Variants in CCDC171 observed in about 807,000 individuals in gnomAD.
CCDC171 encodes coiled-coil domain-containing protein 171.
A neutral mutation model predicts 168.2 loss-of-function variants in CCDC171; 177 were observed. The ratio of observed to expected loss-of-function variants is 1.05; its 90% CI spans 0.93 to 1.19. CCDC171 has a LOEUF of 1.19. CCDC171 is among the 50% of genes most tolerant of loss of function. The pLI is 0.00. For synonymous variants in CCDC171, 687 were observed against 540.8 expected (o/e 1.27, Z -3.75); for missense variants, 1,991 against 1,539.0 (o/e 1.29, Z -4.91).
chr9:16,037,672 C>A (rs1193276619), intron 8 of CCDC171, among the ~76,000 whole-genome samples: 1 of 151,686 alleles, frequency 6.6e-6, no homozygotes, highest in African/African-American at 2.4e-5. Flanking sequence ...TAAAAAGAAA[C>A]AAATGAAACT....
the CCDC171 span, among the ~76,000 whole-genome samples, chr9:16,076,706 C>A: frequency 5.9e-5 from 9 of 152,116 alleles, no homozygotes; most frequent in Admixed American, 3.9e-4. Flanking sequence ...AACCTCAGGC[C>A]CCAGCCAGCA....
At chr9:15,951,986 T>C (rs780378429) in intron 25 of CCDC171, among the ~76,000 whole-genome samples, 4 of 152,190 alleles carry the variant, frequency 2.6e-5, no homozygotes, top group Admixed American at 6.5e-5. Context: ...TCTAAAAATT[T>C]TATAATTTTT....
intron 18 of CCDC171, among the ~76,000 whole-genome samples, chr9:15,757,248 T>C (rs1349241245): frequency 6.6e-6 from 1 of 152,174 alleles, no homozygotes; most frequent in Admixed American, 6.5e-5. Context: ...AAAAGTCTGA[T>C]AGATATATGG....
chr9:15,793,456 T>G (rs1185401646), intron 21 of CCDC171, among the ~76,000 whole-genome samples: 1 of 151,310 alleles, frequency 6.6e-6, no homozygotes, highest in East Asian at 1.9e-4. Context: ...AACTCAGCTC[T>G]GCACCAAGCG....
intron 25 of CCDC171, among the ~76,000 whole-genome samples, chr9:15,959,926 G>A (rs1274347904): frequency 3.3e-5 from 5 of 152,168 alleles, no homozygotes. Context: ...GAAAGGGAAG[G>A]ATGGGCACCC....
intron 21 of CCDC171, among the ~76,000 whole-genome samples, chr9:15,843,244 T>A (rs2060757793): frequency 6.6e-6 from 1 of 152,100 alleles, no homozygotes. Context: ...CATTTTGGGA[T>A]ACCATTGTAA....
chr9:15,722,959 C>T (rs1190804646), intron 12 of CCDC171, among the ~76,000 whole-genome samples: 1 of 152,130 alleles, frequency 6.6e-6, no homozygotes, highest in African/African-American at 2.4e-5. Context: ...ATATTACCCA[C>T]AGCGAATTGT....
upstream of CCDC171, among the ~76,000 whole-genome samples, chr9:16,037,952 A>T (rs1004599274): frequency 6.6e-6 from 1 of 152,224 alleles, no homozygotes; most frequent in Non-Finnish European, 1.5e-5. Context: ...TTCAGGAAGT[A>T]CAGTAAGTCA....
At chr9:15,766,947 C>T (rs2056756715) in intron 18 of CCDC171, among the ~76,000 whole-genome samples, 1 of 152,120 alleles carries the variant, frequency 6.6e-6, no homozygotes, top group African/African-American at 2.4e-5. Flanking sequence ...CAGGTGTGAG[C>T]CACTGCACCT....
intron 21 of CCDC171, among the ~76,000 whole-genome samples, chr9:15,803,601 A>G (rs547692602): frequency 2.0e-5 from 3 of 151,838 alleles, no homozygotes; most frequent in Non-Finnish European, 4.4e-5. Flanking sequence ...TGGGTTCTTT[A>G]TTCTGTTCCA....
At chr9:16,008,073 C>G (rs1832758659) in intron 3 of CCDC171, among the ~76,000 whole-genome samples, 2 of 152,090 alleles carry the variant, frequency 1.3e-5, no homozygotes, top group Non-Finnish European at 1.5e-5. Flanking sequence ...CAAAAGTTTT[C>G]AACTTTAATG....
At chr9:15,578,207 G>T (rs1225844170) in intron 3 of CCDC171, among the ~76,000 whole-genome samples, 1 of 150,168 alleles carries the variant, frequency 6.7e-6, no homozygotes, top group Non-Finnish European at 1.5e-5. Context: ...TTTTTTGTTT[G>T]TTTGTTTTTT....
intron 1 of CCDC171, among the ~76,000 whole-genome samples, chr9:16,053,639 C>T (rs1186422336): frequency 6.6e-6 from 1 of 152,258 alleles, no homozygotes. Flanking sequence ...GAGCACGGCC[C>T]CTCTCCATCA....
intron 18 of CCDC171, among the ~76,000 whole-genome samples, chr9:15,772,654 A>G (rs1260858037): frequency 6.6e-6 from 1 of 152,218 alleles, no homozygotes; most frequent in African/African-American, 2.4e-5. Flanking sequence ...CTTTTGAGCC[A>G]TGTTTTAAGG....
chr9:16,018,550 TATG>T (rs1302726231), intron 3 of CCDC171, among the ~76,000 whole-genome samples: 1 of 152,238 alleles, frequency 6.6e-6, no homozygotes, highest in Admixed American at 6.5e-5. Flanking sequence ...TTGAATGAAT[TATG>T]ATCATTTAAA....
chr9:15,963,915 T>A (rs1214071547), intron 25 of CCDC171, among the ~76,000 whole-genome samples: 1 of 152,206 alleles, frequency 6.6e-6, no homozygotes, highest in East Asian at 1.9e-4. Flanking sequence ...TTCTAGTCAA[T>A]GGGATGTAAG....
intron 16 of CCDC171, among the ~76,000 whole-genome samples, chr9:15,740,534 A>G (rs1422765716): frequency 6.6e-6 from 1 of 152,106 alleles, no homozygotes; most frequent in East Asian, 1.9e-4. Context: ...TTTCAGGTTC[A>G]TGCAGTTCTC....
At chr9:15,662,031 C>T (rs1385027354) in intron 8 of CCDC171, among the ~76,000 whole-genome samples, 2 of 152,230 alleles carry the variant, frequency 1.3e-5, no homozygotes, top group Non-Finnish European at 2.9e-5. Flanking sequence ...TATCCCAGCA[C>T]TTTGGGAGGC....
chr9:16,018,132 T>G (rs11999999), intron 3 of CCDC171, among the ~76,000 whole-genome samples: 1 of 152,328 alleles, frequency 6.6e-6, no homozygotes, highest in African/African-American at 2.4e-5. Flanking sequence ...AGAATAGATG[T>G]TAGGTGCTAA....
Sources: allele counts gnomAD v4.1 joint callset (sites outside exome capture counted in the v4.1 genomes callset), GRCh38; gene constraint gnomAD v4.1.1; transcripts MANE v1.5; gene names NCBI Gene and HGNC (gene_info 2026-07-23, HGNC 2026-07-21).